Variants in DMD observed in about 807,000 individuals in gnomAD.
DMD encodes the protein dystrophin.
DMD carries 63 observed loss-of-function variants against 330.1 expected under a neutral mutation model. That is an observed-to-expected ratio of 0.19 (90% confidence interval 0.16 to 0.24). The LOEUF (loss-of-function observed/expected upper bound fraction) is 0.24, where lower values mean the gene tolerates loss of function less well. Ranked by LOEUF, DMD falls within the 10% of genes least tolerant of loss-of-function variation. The pLI is 1.00. For missense variants in DMD, 3,344 were observed against 2,684.1 expected, an observed-to-expected ratio of 1.25 and a Z score of -5.43; for synonymous variants, 1,223 against 959.8, an observed-to-expected ratio of 1.27 and a Z score of -5.07.
At chrX:33,035,292 A>T (rs1430316080) in intron 1 of DMD, among the ~76,000 whole-genome samples, 1 of 111,596 alleles carries the variant, frequency 9.0e-6, no homozygotes, top group Non-Finnish European at 1.9e-5. Flanking sequence ...ACACACAGTA[A>T]TTGGCACTGA....
intron 51 of DMD, among the ~76,000 whole-genome samples, chrX:31,743,534 T>C (rs1277979716): frequency 8.9e-6 from 1 of 112,233 alleles, no homozygotes; most frequent in Non-Finnish European, 1.9e-5. Flanking sequence ...AACAAAATCA[T>C]GTCCTTTGCA....
intron 1 of DMD, among the ~76,000 whole-genome samples, chrX:33,311,942 G>A (rs908978347): frequency 9.2e-6 from 1 of 109,111 alleles, no homozygotes; most frequent in African/African-American, 3.3e-5. Context: ...AAATAGTAAA[G>A]AGAAAGACTA....
chrX:32,533,705 T>G (rs778985876), intron 17 of DMD, among the ~76,000 whole-genome samples: 1 of 112,053 alleles, frequency 8.9e-6, no homozygotes, highest in Non-Finnish European at 1.9e-5. Context: ...AAAATTAGCA[T>G]GAAAACTAAT....
chrX:31,834,604 T>G (rs1462423345), intron 49 of DMD, among the ~76,000 whole-genome samples: 1 of 111,181 alleles, frequency 9.0e-6, no homozygotes, highest in African/African-American at 3.3e-5. Context: ...CACAGCTGGC[T>G]CATTTTCATA....
At chrX:32,702,583 C>A (rs1362050913) in intron 7 of DMD, among the ~76,000 whole-genome samples, 1 of 111,128 alleles carries the variant, frequency 9.0e-6, no homozygotes, top group African/African-American at 3.3e-5. Flanking sequence ...AGAGTAAATA[C>A]TTTTCAATGA....
chrX:32,285,384 A>G (rs955996622), intron 43 of DMD, among the ~76,000 whole-genome samples: 5 of 112,173 alleles, frequency 4.5e-5, no homozygotes, highest in Non-Finnish European at 7.5e-5. Context: ...TGCTGGGAGA[A>G]AGTACACCAT....
chrX:31,184,641 G>A (rs2041551011), intron 67 of DMD, among the ~76,000 whole-genome samples: 1 of 84,527 alleles, frequency 1.2e-5, no homozygotes, highest in Non-Finnish European at 2.2e-5. Context: ...TATAAATCAT[G>A]CTGCTATAAA....
At chrX:32,600,866 T>C (rs2056129119) in intron 12 of DMD, among the ~76,000 whole-genome samples, 1 of 110,940 alleles carries the variant, frequency 9.0e-6, no homozygotes, top group Admixed American at 9.7e-5. Context: ...GAGTTGAGTC[T>C]AACATCCAGG....
At chrX:32,911,214 A>ATTT (rs928914192) in intron 2 of DMD, among the ~76,000 whole-genome samples, 1 of 111,974 alleles carries the variant, frequency 8.9e-6, no homozygotes. Flanking sequence ...CTTGTAAACA[A>ATTT]TTTCACATTA....
Position 33,016,005 on chromosome X carries a change from C to T in DMD, c.93+4134G>A, listed in dbSNP as rs183412693. Among the ~76,000 whole-genome samples the T allele has an allele frequency of 9.9e-5, 11 of 110,835 alleles. No individual in the cohort carries two copies. In the East Asian group the frequency reaches 1.7e-3, roughly 17 times the overall value. On this transcript the variant is annotated intron_variant, in intron 2 of 78. Transcript: ENST00000357033. ...CCAGCGCCCTTAAACAAAGGCTGGA[C>T]GGTAACAAAAGCCCACCAAGAGTTT... is the stretch of plus-strand genomic sequence containing the variant.
intron 27 of DMD, among the ~76,000 whole-genome samples, chrX:32,443,618 G>A (rs1399533312): frequency 9.0e-6 from 1 of 111,253 alleles, no homozygotes; most frequent in Non-Finnish European, 1.9e-5. Context: ...TTAACTGTCA[G>A]AATGGATAGC....
At chrX:32,687,273 T>A (rs1472067738) in intron 9 of DMD, among the ~76,000 whole-genome samples, 1 of 112,121 alleles carries the variant, frequency 8.9e-6, no homozygotes, top group East Asian at 2.8e-4. Context: ...GCTAGCCACA[T>A]TTCCCAACTA....
chrX:32,512,867 A>G (rs1300054422), intron 18 of DMD, among the ~76,000 whole-genome samples: 1 of 111,871 alleles, frequency 8.9e-6, no homozygotes, highest in African/African-American at 3.3e-5. Flanking sequence ...GGGGGCATCA[A>G]GGAAGTGGGG....
At chrX:32,997,200 G>A (rs1351163020) in intron 2 of DMD, among the ~76,000 whole-genome samples, 6 of 109,468 alleles carry the variant, frequency 5.5e-5, no homozygotes. Flanking sequence ...ATTTTTGTGG[G>A]TACACTGTAG....
Position 31,983,286 on chromosome X carries a change from C to T in DMD, c.6439-14772G>A, listed in dbSNP as rs954409745. On this transcript the variant is annotated intron_variant, in intron 44 of 78. Transcript: ENST00000357033. ...CTCCCATTCAATACCATTCTTTTTC[C>T]ATATATACTTACTTTTTTTTTCCTC... Among the ~76,000 whole-genome samples, 96 of 101,900 alleles carry T rather than the reference C, an allele frequency of 9.4e-4. 1 individual carries two copies. Among genetic ancestry groups the T allele is most frequent in the Non-Finnish European group, 1.4e-4 (7 of 48,684 alleles). 88.5% of individuals were successfully genotyped at this position (101,900 alleles called of 115,157 possible). A position where few individuals can be genotyped will look rare whatever the true frequency, so the allele number is the denominator to read the frequency against.
intron 7 of DMD, among the ~76,000 whole-genome samples, chrX:32,782,205 G>A (rs1339586083): frequency 9.0e-6 from 1 of 111,448 alleles, no homozygotes. Context: ...TCTCATATAT[G>A]TATTAAATAT....
At chrX:33,299,431 T>C (rs2053630321) in intron 1 of DMD, among the ~76,000 whole-genome samples, 1 of 111,684 alleles carries the variant, frequency 9.0e-6, no homozygotes, top group Non-Finnish European at 1.9e-5. Context: ...ACTCCTTCCC[T>C]TCTTAGCTTC....
At chrX:31,660,597 TC>T (rs2081069254) in intron 53 of DMD, among the ~76,000 whole-genome samples, 1 of 112,146 alleles carries the variant, frequency 8.9e-6, no homozygotes, top group Non-Finnish European at 1.9e-5. Context: ...TACCTTTTTT[TC>T]AAATGAATTC....
At chrX:31,807,068 G>A (rs949590535) in intron 50 of DMD, among the ~76,000 whole-genome samples, 3 of 111,264 alleles carry the variant, frequency 2.7e-5, no homozygotes, top group East Asian at 2.8e-4. Flanking sequence ...CCCTTTTGAC[G>A]GCCGAAGGGG....
Sources: allele counts gnomAD v4.1 joint callset (sites outside exome capture counted in the v4.1 genomes callset), GRCh38; gene constraint gnomAD v4.1.1; transcripts MANE v1.5; gene names NCBI Gene and HGNC (gene_info 2026-07-23, HGNC 2026-07-21).